Variants in CTNNBIP1 observed in about 807,000 individuals in gnomAD.
CTNNBIP1 encodes catenin beta interacting protein 1, also known as beta-catenin-interacting protein 1.
CTNNBIP1 carries 7 observed loss-of-function variants against 11.8 expected under a neutral mutation model. That is an observed-to-expected ratio of 0.60 (90% CI 0.34 to 1.12). The LOEUF is 1.12. CTNNBIP1 is among the 50% of genes most tolerant of loss of function. The pLI is 0.03. For missense variants in CTNNBIP1, 101 were observed against 113.4 expected (o/e 0.89, Z 0.50); for synonymous variants, 58 against 43.9 (o/e 1.32, Z -1.26).
chr1:9,909,833 G>A (rs1286529631), intron 1 of CTNNBIP1, among the ~76,000 whole-genome samples: 2 of 152,098 alleles, frequency 1.3e-5, no homozygotes, highest in African/African-American at 4.8e-5. Context: ...GCGGTGAGGT[G>A]AGCAACAAGG....
chr1:9,873,234 A>T (rs1034594148), intron 3 of CTNNBIP1, among the ~76,000 whole-genome samples: 1 of 152,150 alleles, frequency 6.6e-6, no homozygotes, highest in African/African-American at 2.4e-5. Context: ...GATGCGGCAT[A>T]GGTCTCTTTC....
chr1:9,854,702 G>T (rs1015453745), intron 5 of CTNNBIP1, among the ~76,000 whole-genome samples: 2 of 151,670 alleles, frequency 1.3e-5, no homozygotes, highest in African/African-American at 4.8e-5. Flanking sequence ...TTTGAGATAG[G>T]GTCTCACTCT....
chr1:9,860,428 TAAAAAA>T (rs58165059), intron 5 of CTNNBIP1, among the ~76,000 whole-genome samples: 1 of 45,544 alleles, frequency 2.2e-5, no homozygotes, highest in Non-Finnish European at 4.3e-5. Context: ...CCGTCTCTAC[TAAAAAA>T]AAAAAAAAAA....
chr1:9,887,519 A>G (rs1479793663), intron 1 of CTNNBIP1, among the ~76,000 whole-genome samples: 1 of 152,110 alleles, frequency 6.6e-6, no homozygotes, highest in African/African-American at 2.4e-5. Flanking sequence ...GATCGCCAAC[A>G]TAGTAAAACC....
At chr1:9,866,290 G>GA (rs974596114) in intron 5 of CTNNBIP1, among the ~76,000 whole-genome samples, 1 of 152,230 alleles carries the variant, frequency 6.6e-6, no homozygotes, top group African/African-American at 2.4e-5. Context: ...AGAAAGGCAT[G>GA]AACATGGCCA....
Position 9,908,819 on chromosome 1 carries a change from C to G in CTNNBIP1, c.-144+1276G>C, listed in dbSNP as rs1241787571. On this transcript the variant is annotated intron_variant, in intron 1 of 5. Transcript: ENST00000377263. ...AGGGCAGAAACCGTGTCTGTCTTCA[C>G]CACTAAAGCCCCAGTACTTGGAACG... Among the ~76,000 whole-genome samples, 4 of 152,176 alleles carry G rather than the reference C, an allele frequency of 2.6e-5. No homozygotes were observed. The East Asian group carries it at 7.7e-4, about 29-fold the overall frequency.
At chr1:9,899,448 T>C (rs1570599238) in intron 1 of CTNNBIP1, among the ~76,000 whole-genome samples, 3 of 76,768 alleles carry the variant, frequency 3.9e-5, no homozygotes, top group Non-Finnish European at 4.6e-5. Flanking sequence ...AGAACAAGAC[T>C]CCATCTCAAA....
chr1:9,870,510 T>A (rs1209495737), intron 5 of CTNNBIP1, among the ~76,000 whole-genome samples: 1 of 152,218 alleles, frequency 6.6e-6, no homozygotes, highest in Non-Finnish European at 1.5e-5. Flanking sequence ...CATGACCAAG[T>A]GGCTTACTGT....
At chr1:9,884,114 T>C (rs972005774) in intron 1 of CTNNBIP1, among the ~76,000 whole-genome samples, 14 of 151,838 alleles carry the variant, frequency 9.2e-5, no homozygotes, top group Non-Finnish European at 1.8e-4. Context: ...GCTGGGCCTG[T>C]AGGCAGAGCC....
chr1:9,899,049 G>A (rs1360733353), intron 1 of CTNNBIP1, among the ~76,000 whole-genome samples: 1 of 152,102 alleles, frequency 6.6e-6, no homozygotes, highest in Non-Finnish European at 1.5e-5. Flanking sequence ...AAGTTCTTTA[G>A]CAGTGATTCA....
At chr1:9,866,618 T>C (rs1334140043) in intron 5 of CTNNBIP1, among the ~76,000 whole-genome samples, 2 of 149,162 alleles carry the variant, frequency 1.3e-5, no homozygotes, top group Non-Finnish European at 1.5e-5. Context: ...AGGTGGGGGC[T>C]GCAGTGAGCC....
In CTNNBIP1 at chr1:9,872,065, C is replaced by T. The variant is rs772923414; in HGVS notation, c.-1G>A. On this transcript the variant is annotated 5_prime_UTR_variant, in exon 4 of 6. Coordinates refer to ENST00000377263, the MANE Select transcript of CTNNBIP1 (RefSeq NM_020248.3). This position sits in a 1 kb window ranked among gnomAD's most constrained non-coding sequence, Gnocchi z 4.0. ...TCCCGGGAGCTCCCTCGCGGTTCAT[C>T]CCCCTGCCTGGCTCTGGGGACTCCT... The T allele has an allele frequency of 2.5e-6, 4 of 1,613,632 alleles. No homozygotes were observed. The South Asian group carries it at 4.4e-5, about 18-fold the overall frequency.
chr1:9,891,781 ATT>A (rs70998316), intron 1 of CTNNBIP1, among the ~76,000 whole-genome samples: 12,456 of 80,426 alleles, frequency 0.15, 380 homozygotes, highest in South Asian at 0.22. Flanking sequence ...ATCTCTTTAA[ATT>A]TTTTTTTTTT....
chr1:9,857,709 G>A (rs1347447974), intron 5 of CTNNBIP1, among the ~76,000 whole-genome samples: 2 of 152,174 alleles, frequency 1.3e-5, no homozygotes, highest in African/African-American at 4.8e-5. Flanking sequence ...GCTGAGGCAA[G>A]AGAATCTCTT....
At chr1:9,894,905 ATTTTT>A (rs1175181254) in intron 1 of CTNNBIP1, among the ~76,000 whole-genome samples, 1 of 102,216 alleles carries the variant, frequency 9.8e-6, no homozygotes, top group African/African-American at 4.3e-5. Flanking sequence ...ATGCCTGGCT[ATTTTT>A]TTTTTTTTTT....
In CTNNBIP1 at chr1:9,851,687, A is replaced by C. The variant is rs1638390827; in HGVS notation, c.188-911T>G. ...TGCCCAGCCAATCCTTCTTTTTCTT[A>C]ATCCTGAATTTGAGATTCTGGCCCA... is the stretch of plus-strand genomic sequence containing the variant. On this transcript the variant is annotated intron_variant, in intron 5 of 5. Transcript: ENST00000377263. This position sits in a 1 kb window ranked among gnomAD's most constrained non-coding sequence, Gnocchi z 4.8. Among the ~76,000 whole-genome samples, 1 of 152,114 alleles carries C rather than the reference A, an allele frequency of 6.6e-6. No individual in the cohort carries two copies. The highest frequency in any genetic ancestry group is 6.6e-5 in the Admixed American group (1 of 15,266).
intron 1 of CTNNBIP1, among the ~76,000 whole-genome samples, chr1:9,895,244 G>A (rs1283704518): frequency 2.7e-5 from 4 of 150,614 alleles, no homozygotes; most frequent in Non-Finnish European, 4.4e-5. Flanking sequence ...TGTCACCCAC[G>A]CTGGAATGTA....
At chr1:9,856,248 C>T (rs186235541) in intron 5 of CTNNBIP1, among the ~76,000 whole-genome samples, 60 of 151,266 alleles carry the variant, frequency 4.0e-4, no homozygotes, top group African/African-American at 1.3e-3. Flanking sequence ...TGGGCTCAAG[C>T]CATCCTCTTG....
At chr1:9,887,970 C>G (rs1199254982) in intron 1 of CTNNBIP1, among the ~76,000 whole-genome samples, 2 of 151,660 alleles carry the variant, frequency 1.3e-5, no homozygotes, top group Admixed American at 1.3e-4. Context: ...ATTACAGGCA[C>G]CCACCACCAC....
Sources: allele counts gnomAD v4.1 joint callset (sites outside exome capture counted in the v4.1 genomes callset), GRCh38; gene constraint gnomAD v4.1.1; non-coding constraint Gnocchi (gnomAD v3.1); transcripts MANE v1.5; gene names NCBI Gene and HGNC (gene_info 2026-07-23, HGNC 2026-07-21).